The following ANOS1 variants were observed in gnomAD, a reference collection of about 807,000 sequenced individuals.
ANOS1 encodes anosmin 1.
Under a neutral mutation model 59.0 loss-of-function variants are expected in ANOS1, and 6 were observed. The ratio of observed to expected loss-of-function variants is 0.10; its 90% CI spans 0.06 to 0.20. The LOEUF (loss-of-function observed/expected upper bound fraction) is 0.20, where lower values mean the gene tolerates loss of function less well. Among genes scored for constraint, ANOS1 ranks in the 10% least tolerant of loss-of-function variants. The probability of loss-of-function intolerance (pLI) is 1.00; values close to 1 mark genes in which losing one functional copy is unlikely to be tolerated. For missense variants in ANOS1, 433 were observed against 542.3 expected, an observed-to-expected ratio of 0.80 and a Z score of 2.00; for synonymous variants, 217 against 223.4, an observed-to-expected ratio of 0.97 and a Z score of 0.25.
intron 8 of ANOS1, among the ~76,000 whole-genome samples, chrX:8,554,957 A>G (rs1292899923): frequency 9.0e-6 from 1 of 111,283 alleles, no homozygotes; most frequent in Admixed American, 9.6e-5. Context: ...CACTTATTCT[A>G]AAATTGACCA....
At chrX:8,713,601 C>CT (rs1324604447) in intron 1 of ANOS1, among the ~76,000 whole-genome samples, 177 of 106,889 alleles carry the variant, frequency 1.7e-3, no homozygotes, top group African/African-American at 5.6e-3. Flanking sequence ...TCCTTTCTTT[C>CT]TTTTTTTTTT....
At chrX:8,536,113 A>G (rs1929586020) in intron 11 of ANOS1, among the ~76,000 whole-genome samples, 1 of 102,100 alleles carries the variant, frequency 9.8e-6, no homozygotes, top group Non-Finnish European at 2.0e-5. Context: ...AGACTTAACT[A>G]TTTCTTAAAG....
intron 7 of ANOS1, among the ~76,000 whole-genome samples, chrX:8,569,246 C>T (rs1281412980): frequency 8.9e-6 from 1 of 112,252 alleles, no homozygotes; most frequent in South Asian, 3.7e-4. Context: ...TAAGTGATTC[C>T]CCAATTTCAG....
chrX:8,627,822 T>C (rs929688107), intron 2 of ANOS1, among the ~76,000 whole-genome samples: 1 of 109,097 alleles, frequency 9.2e-6, no homozygotes, highest in Non-Finnish European at 1.9e-5. Context: ...AACAAAAAAC[T>C]TCCTATTTCT....
At chrX:8,537,836 A>T (rs887223653) in intron 10 of ANOS1, among the ~76,000 whole-genome samples, 6 of 110,218 alleles carry the variant, frequency 5.4e-5, no homozygotes, top group Non-Finnish European at 9.5e-5. Flanking sequence ...TATCTCTGGC[A>T]CTCATTGGAT....
In ANOS1 at chrX:8,668,394, CATATATATATATATATATAT is replaced by C. The variant is rs202229567; in HGVS notation, c.255+31284_255+31303del. On this transcript the variant is annotated intron_variant, in intron 2 of 13. Coordinates refer to ENST00000262648, the MANE Select transcript of ANOS1 (RefSeq NM_000216.4). ...TTTTTATGGCTGAATAGTATTCCAT[CATATATATATATATATATAT>C]ATATATATATATATATACACACACA... 6.6e-4 allele frequency among the ~76,000 whole-genome samples: 34 copies of C among 51,570 alleles called. 2 individuals are homozygous for C. The South Asian group carries it at 0.048, about 72-fold the overall frequency. The allele number at this position is 51,570 out of a possible 115,157, so 44.8% of individuals were successfully genotyped here. A position where few individuals can be genotyped will look rare whatever the true frequency, so the allele number is the denominator to read the frequency against.
chrX:8,673,469 TCAGA>T (rs1220528045), intron 2 of ANOS1, among the ~76,000 whole-genome samples: 1 of 108,814 alleles, frequency 9.2e-6, no homozygotes, highest in Non-Finnish European at 1.9e-5. Flanking sequence ...AAGGACTCAG[TCAGA>T]CAGAACTGGA....
rs377542815 is a variant in ANOS1 at position 8,700,165 on chromosome X, C to T, written c.208-420G>A. On this transcript the variant is annotated intron_variant, in intron 1 of 13. Coordinates refer to ENST00000262648, the MANE Select transcript of ANOS1 (RefSeq NM_000216.4). ...AAGAGTTTGGGATTGGGAGAAAGAT[C>T]TTGTATTAGTCTGTTCTTACACTTC... 7.1e-5 allele frequency among the ~76,000 whole-genome samples: 8 copies of T among 111,934 alleles called. No homozygotes were observed. In the East Asian group the frequency reaches 2.2e-3, roughly 31 times the overall value.
intron 2 of ANOS1, among the ~76,000 whole-genome samples, chrX:8,686,953 CA>C (rs755082283): frequency 7.3e-5 from 8 of 109,442 alleles, no homozygotes; most frequent in Non-Finnish European, 1.1e-4. Context: ...GACTTCGTCT[CA>C]AAAAAAAATT....
At chrX:8,619,064 C>G (rs1347130191) in intron 3 of ANOS1, among the ~76,000 whole-genome samples, 1 of 65,836 alleles carries the variant, frequency 1.5e-5, no homozygotes, top group Non-Finnish European at 2.5e-5. Flanking sequence ...CAGAGCAAAC[C>G]TCTCTCAAAA....
intron 1 of ANOS1, among the ~76,000 whole-genome samples, chrX:8,710,904 G>T (rs746703684): frequency 8.9e-6 from 1 of 112,233 alleles, no homozygotes; most frequent in Admixed American, 9.5e-5. Context: ...CATCCTGCCT[G>T]AGTGTGAAGA....
intron 2 of ANOS1, among the ~76,000 whole-genome samples, chrX:8,628,209 C>CT (rs1931428294): frequency 8.9e-6 from 1 of 111,801 alleles, no homozygotes; most frequent in African/African-American, 3.3e-5. Flanking sequence ...TTACAAGTGC[C>CT]ATGGCAATGT....
At chrX:8,662,008 A>C (rs1373361516) in intron 2 of ANOS1, among the ~76,000 whole-genome samples, 1 of 111,848 alleles carries the variant, frequency 8.9e-6, no homozygotes, top group Non-Finnish European at 1.9e-5. Flanking sequence ...ACAAAGATGA[A>C]AGAAGAAAGA....
chrX:8,623,857 A>C (rs1931340489), intron 2 of ANOS1, among the ~76,000 whole-genome samples, 187 bp from the exon 3 acceptor site: 1 of 111,469 alleles, frequency 9.0e-6, no homozygotes, highest in East Asian at 2.8e-4. Flanking sequence ...TCATTACAGA[A>C]CGCGGACCAA....
At chrX:8,730,460 A>T (rs1932962050) in intron 1 of ANOS1, among the ~76,000 whole-genome samples, 1 of 112,812 alleles carries the variant, frequency 8.9e-6, no homozygotes, top group Non-Finnish European at 1.9e-5. Flanking sequence ...ACACTCGCGA[A>T]CGCGCCAGCT....
intron 2 of ANOS1, among the ~76,000 whole-genome samples, chrX:8,666,212 A>G (rs766367301): frequency 3.6e-5 from 4 of 110,991 alleles, no homozygotes; most frequent in Non-Finnish European, 7.5e-5. Context: ...CAAATATGAT[A>G]CTAATAAAAG....
intron 9 of ANOS1, among the ~76,000 whole-genome samples, chrX:8,540,188 T>A (rs1349554930): frequency 3.6e-5 from 4 of 111,420 alleles, no homozygotes; most frequent in Non-Finnish European, 7.5e-5. Context: ...CAGAAGTTTC[T>A]CAATCCTACC....
intron 2 of ANOS1, among the ~76,000 whole-genome samples, chrX:8,638,428 T>C (rs1332708003): frequency 8.9e-6 from 1 of 112,227 alleles, no homozygotes; most frequent in African/African-American, 3.2e-5. Context: ...CATTGGGCAA[T>C]CCAAGAGATA....
In ANOS1 at chrX:8,554,036, G is replaced by A. The variant is rs747010865; in HGVS notation, c.1270C>T (p.Arg424Ter). 8.3e-7 allele frequency: 1 copy of A among 1,206,142 alleles called. No individual in the cohort carries two copies. Among genetic ancestry groups the A allele is most frequent in the Admixed American group, 2.2e-5 (1 of 46,018 alleles). ...IQTQLPFQRR[R>*]PTRPLEVGAP... ...CCGACTTCCAGCGGGCGAGTGGGTCGTCGTCTTTGAAAAGGGAGTTGTGTT... is the reference window on the plus strand; with the variant it reads ...CCGACTTCCAGCGGGCGAGTGGGTCATCGTCTTTGAAAAGGGAGTTGTGTT... Residue 424 changes from arginine to a stop codon, truncating the protein, a stop_gained, in exon 9 of 14, where the codon CGA becomes TGA. Transcript: ENST00000262648. LOFTEE classifies it high-confidence loss of function.
Sources: allele counts gnomAD v4.1 joint callset (sites outside exome capture counted in the v4.1 genomes callset), GRCh38; gene constraint gnomAD v4.1.1; transcripts MANE v1.5; gene names NCBI Gene and HGNC (gene_info 2026-07-23, HGNC 2026-07-21).